The following NBEA variants were observed in gnomAD, a reference collection of about 807,000 sequenced individuals.
NBEA encodes the protein neurobeachin.
Under a neutral mutation model 343.4 loss-of-function variants are expected in NBEA, and 44 were observed. That is an observed-to-expected ratio of 0.13 (90% CI 0.10 to 0.16). The LOEUF is 0.16. NBEA is among the 10% of genes least tolerant of loss of function. The pLI is 1.00. For synonymous variants in NBEA, 1,175 were observed against 1,238.7 expected (o/e 0.95, Z 1.08); for missense variants, 2,555 against 3,631.3 (o/e 0.70, Z 7.62).
intron 36 of NBEA, among the ~76,000 whole-genome samples, chr13:35,313,245 T>C (rs1410994030): frequency 6.6e-6 from 1 of 152,192 alleles, no homozygotes; most frequent in Non-Finnish European, 1.5e-5. Flanking sequence ...CATAATCCTC[T>C]TGTAACACAT....
At chr13:35,344,397 A>T (rs2039757996) in intron 36 of NBEA, among the ~76,000 whole-genome samples, 2 of 152,058 alleles carry the variant, frequency 1.3e-5, no homozygotes, top group Admixed American at 1.3e-4. Flanking sequence ...AAAGTAGAAG[A>T]AAGCTAATAA....
intron 30 of NBEA, among the ~76,000 whole-genome samples, chr13:35,193,301 A>G (rs983229458): frequency 2.6e-5 from 4 of 151,968 alleles, no homozygotes; most frequent in African/African-American, 9.6e-5. Flanking sequence ...TATTTTATCA[A>G]CTTCCAAAAT....
chr13:35,040,937 T>C lies in NBEA; in HGVS notation c.299T>C (p.Val100Ala), dbSNP rs2062627174. The change falls in exon 2 of 59, where the codon GTT becomes GCT. Residue 100 changes from valine (V) to alanine (A), a missense_variant. By Grantham distance (64) the Val-to-Ala change is moderately conservative. Transcript: ENST00000379939. Reference protein sequence around the residue: ...DIVETVLNLLVGGEFDLEMNF... With the variant: ...DIVETVLNLLAGGEFDLEMNF... ...TTTCTTTCTGTTTACTTTCAGCTGG[T>C]TGGTGGAGAATTTGACTTGGAGATG... 1 of 1,612,006 alleles carries C rather than the reference T, an allele frequency of 6.2e-7. No homozygotes were observed. The highest frequency in any genetic ancestry group is 1.1e-5 in the South Asian group (1 of 91,042).
intron 48 of NBEA, among the ~76,000 whole-genome samples, chr13:35,625,698 A>C (rs1272651261): frequency 6.6e-6 from 1 of 152,074 alleles, no homozygotes; most frequent in Non-Finnish European, 1.5e-5. Context: ...TTAAATGGGT[A>C]AGGGATATGA....
intron 36 of NBEA, among the ~76,000 whole-genome samples, chr13:35,316,864 G>C (rs956097090): frequency 1.3e-5 from 2 of 152,138 alleles, no homozygotes; most frequent in African/African-American, 4.8e-5. Flanking sequence ...GACGAGGGAT[G>C]ATGAGTTTTT....
chr13:35,396,841 A>G (rs956404395), intron 38 of NBEA, among the ~76,000 whole-genome samples: 2 of 152,096 alleles, frequency 1.3e-5, no homozygotes, highest in African/African-American at 2.4e-5. Flanking sequence ...TTTTTCATTC[A>G]TTCCTGTCCT....
At chr13:35,245,966 A>G (rs2031124751) in intron 34 of NBEA, among the ~76,000 whole-genome samples, 1 of 152,056 alleles carries the variant, frequency 6.6e-6, no homozygotes, top group South Asian at 2.1e-4. Context: ...AACTTCTTGG[A>G]GGCTTTGTTC....
intron 38 of NBEA, among the ~76,000 whole-genome samples, chr13:35,404,701 T>C (rs1021273616): frequency 2.0e-5 from 3 of 150,914 alleles, no homozygotes; most frequent in African/African-American, 7.3e-5. Flanking sequence ...CATGTATACA[T>C]ATGTAACTAA....
At chr13:35,430,854 T>C (rs1295453185) in intron 38 of NBEA, among the ~76,000 whole-genome samples, 1 of 152,142 alleles carries the variant, frequency 6.6e-6, no homozygotes, top group African/African-American at 2.4e-5. Flanking sequence ...GTATACTATT[T>C]ATTACTATTA....
intron 38 of NBEA, among the ~76,000 whole-genome samples, chr13:35,381,850 A>G (rs988978571): frequency 7.9e-5 from 12 of 152,166 alleles, no homozygotes; most frequent in Non-Finnish European, 1.8e-4. Flanking sequence ...AAACCAGTTT[A>G]TGTGACTGAT....
At chr13:34,964,948 G>C (rs796929852) in intron 1 of NBEA, among the ~76,000 whole-genome samples, 2 of 152,042 alleles carry the variant, frequency 1.3e-5, no homozygotes, top group African/African-American at 4.8e-5. Context: ...CATCACAGAA[G>C]TGTTCTAGCA....
intron 38 of NBEA, among the ~76,000 whole-genome samples, chr13:35,409,076 A>G (rs2043434154): frequency 6.6e-6 from 1 of 152,218 alleles, no homozygotes; most frequent in Admixed American, 6.5e-5. Flanking sequence ...TCACAATAGG[A>G]AAGATACGGA....
chr13:35,406,546 C>A (rs2043280724), intron 38 of NBEA, among the ~76,000 whole-genome samples: 1 of 152,104 alleles, frequency 6.6e-6, no homozygotes, highest in Admixed American at 6.6e-5. Context: ...CGAGTGAGAA[C>A]ATATGAGGTT....
chr13:35,040,831 A>G, intron 1 of NBEA, 102 bp from the exon 2 acceptor site: 11 of 981,644 alleles, frequency 1.1e-5, no homozygotes, highest in Non-Finnish European at 1.5e-5. Context: ...GAATCCTTGA[A>G]ATTTTTTAGA....
intron 37 of NBEA, among the ~76,000 whole-genome samples, chr13:35,349,492 T>G (rs1566012676): frequency 2.0e-5 from 3 of 152,096 alleles, no homozygotes; most frequent in Admixed American, 2.0e-4. Flanking sequence ...AAAAAATAAT[T>G]TATAATGCAA....
At chr13:35,595,506 T>G (rs536514281) in intron 47 of NBEA, among the ~76,000 whole-genome samples, 109 of 152,178 alleles carry the variant, frequency 7.2e-4, no homozygotes, top group African/African-American at 2.2e-3. Context: ...TCCCCTTTCT[T>G]TTTAAAGGCA....
intron 1 of NBEA, among the ~76,000 whole-genome samples, chr13:34,994,134 G>T (rs188926500): frequency 7.0e-6 from 1 of 142,394 alleles, no homozygotes; most frequent in Non-Finnish European, 1.5e-5. Context: ...GGTGGCAGAG[G>T]TTGCAGTGAG....
intron 1 of NBEA, among the ~76,000 whole-genome samples, chr13:35,038,309 TAG>T (rs2062524643): frequency 6.6e-6 from 1 of 151,998 alleles, no homozygotes; most frequent in African/African-American, 2.4e-5. Flanking sequence ...TGCTGTCCAA[TAG>T]TCAAGTCCTA....
At chr13:35,539,812 A>G (rs1454489566) in intron 41 of NBEA, among the ~76,000 whole-genome samples, 2 of 146,770 alleles carry the variant, frequency 1.4e-5, no homozygotes, top group African/African-American at 2.5e-5. Context: ...GCTACTCCGG[A>G]GGCTGAGGCA....
Sources: gnomAD v4.1 joint callset for allele counts (sites outside exome capture counted in the v4.1 genomes callset) on GRCh38, gnomAD v4.1.1 for gene constraint, MANE v1.5 for transcripts, NCBI Gene and HGNC (gene_info 2026-07-23, HGNC 2026-07-21) for gene names.